The following LOC400499 variants were observed in gnomAD, a reference collection of about 807,000 sequenced individuals.
the LOC400499 span, among the ~76,000 whole-genome samples, chr16:11,507,693 A>G: frequency 6.6e-6 from 1 of 152,288 alleles, no homozygotes; most frequent in African/African-American, 2.4e-5. Flanking sequence ...ACACCTTGGC[A>G]AGCTGAGGTG....
chr16:11,440,634 C>T, the LOC400499 span: 1 of 398,192 alleles, frequency 2.5e-6, no homozygotes, highest in Non-Finnish European at 4.4e-6. Context: ...TCTCCTGCCA[C>T]CTCCTCAGAC....
the LOC400499 span, among the ~76,000 whole-genome samples, chr16:11,397,428 C>T: frequency 1.3e-5 from 2 of 152,084 alleles, no homozygotes; most frequent in Admixed American, 1.3e-4. Context: ...CACGTGCCAC[C>T]GTGCCCAGCT....
the LOC400499 span, chr16:11,399,183 C>T: frequency 1.7e-4 from 169 of 984,104 alleles, no homozygotes; most frequent in African/African-American, 2.8e-3. Flanking sequence ...CGATCTCCCT[C>T]CGCCCCCTCC....
At chr16:11,428,250 C>A in the LOC400499 span, among the ~76,000 whole-genome samples, 1 of 152,164 alleles carries the variant, frequency 6.6e-6, no homozygotes, top group Admixed American at 6.5e-5. Context: ...TCTCTCACTG[C>A]AACCTCCACC....
the LOC400499 span, among the ~76,000 whole-genome samples, chr16:11,481,359 G>A: frequency 6.6e-6 from 1 of 152,086 alleles, no homozygotes; most frequent in Non-Finnish European, 1.5e-5. Flanking sequence ...TCTCACTCTT[G>A]CCGCCCAAGC....
the LOC400499 span, chr16:11,392,140 A>G: frequency 2.5e-6 from 1 of 399,138 alleles, no homozygotes; most frequent in Non-Finnish European, 4.4e-6. Context: ...CCTCGCAGGA[A>G]TGAAGTAGAC....
the LOC400499 span, among the ~76,000 whole-genome samples, chr16:11,491,204 T>C: frequency 1.3e-5 from 2 of 152,178 alleles, no homozygotes; most frequent in Non-Finnish European, 2.9e-5. Context: ...GGCTCCAGGC[T>C]CTCACCCCAC....
At chr16:11,445,461 G>C in the LOC400499 span, among the ~76,000 whole-genome samples, 2 of 152,060 alleles carry the variant, frequency 1.3e-5, no homozygotes, top group Admixed American at 1.3e-4. Flanking sequence ...GGCATCGCTA[G>C]GGTAAGCACG....
the LOC400499 span, among the ~76,000 whole-genome samples, chr16:11,470,051 C>T: frequency 3.6e-4 from 55 of 152,270 alleles, no homozygotes; most frequent in African/African-American, 1.2e-3. Context: ...TACAGGCATG[C>T]GCCAACAAGC....
the LOC400499 span, among the ~76,000 whole-genome samples, chr16:11,497,159 C>T: frequency 1.4e-4 from 21 of 152,182 alleles, no homozygotes; most frequent in Admixed American, 1.0e-3. Flanking sequence ...ATCCAGTGTG[C>T]GTGTGCACGT....
chr16:11,455,044 G>C, the LOC400499 span, among the ~76,000 whole-genome samples: 15 of 152,206 alleles, frequency 9.9e-5, no homozygotes, highest in East Asian at 2.7e-3. Context: ...AAAAAGTTTT[G>C]CAATGCTGCT....
the LOC400499 span, among the ~76,000 whole-genome samples, chr16:11,470,163 T>C: frequency 6.6e-6 from 1 of 152,208 alleles, no homozygotes; most frequent in African/African-American, 2.4e-5. Context: ...TCCACCTGCC[T>C]TGGCCTCCCA....
chr16:11,410,581 T>C, the LOC400499 span, among the ~76,000 whole-genome samples: 3 of 152,226 alleles, frequency 2.0e-5, no homozygotes, highest in East Asian at 5.8e-4. Context: ...TAGCGCATGC[T>C]CTGTAGACAA....
chr16:11,421,305 T>G, the LOC400499 span, among the ~76,000 whole-genome samples: 4 of 152,188 alleles, frequency 2.6e-5, no homozygotes, highest in African/African-American at 9.7e-5. Flanking sequence ...CCCCCAGGAC[T>G]AGGCATTCCC....
the LOC400499 span, among the ~76,000 whole-genome samples, chr16:11,503,694 G>A: frequency 2.0e-5 from 3 of 152,232 alleles, no homozygotes; most frequent in Non-Finnish European, 4.4e-5. Context: ...CGGCCCACCT[G>A]CCAACGTGTC....
the LOC400499 span, among the ~76,000 whole-genome samples, chr16:11,434,545 C>G: frequency 6.6e-6 from 1 of 152,120 alleles, no homozygotes; most frequent in Non-Finnish European, 1.5e-5. Flanking sequence ...TAGTGTCCAC[C>G]AGAGAACTGC....
At chr16:11,435,053 C>T in the LOC400499 span, among the ~76,000 whole-genome samples, 2 of 152,182 alleles carry the variant, frequency 1.3e-5, no homozygotes, top group African/African-American at 2.4e-5. Context: ...TCTTACAGCT[C>T]GCTGCAGCCT....
chr16:11,428,753 T>C, the LOC400499 span, among the ~76,000 whole-genome samples: 1 of 152,218 alleles, frequency 6.6e-6, no homozygotes, highest in Non-Finnish European at 1.5e-5. Context: ...AGCCTCATTC[T>C]ACCCAGCCCC....
the LOC400499 span, chr16:11,467,131 T>G: frequency 6.4e-6 from 1 of 156,000 alleles, no homozygotes; most frequent in Non-Finnish European, 1.4e-5. Flanking sequence ...TTTTGTATCT[T>G]TAATAGAGAT....
Sources: gnomAD v4.1 joint callset for allele counts (sites outside exome capture counted in the v4.1 genomes callset) on GRCh38, gnomAD v4.1.1 for gene constraint, MANE v1.5 for transcripts.